The following THNSL1 variants were observed in gnomAD, a reference collection of about 807,000 sequenced individuals.
THNSL1 encodes the protein threonine synthase like 1, also known as threonine synthase-like 1.
In THNSL1, 48 loss-of-function variants were observed where a neutral mutation model predicts 50.4. The ratio of observed to expected loss-of-function variants is 0.95; its 90% CI spans 0.76 to 1.21. The LOEUF (loss-of-function observed/expected upper bound fraction) is 1.21. Among genes scored for constraint, THNSL1 ranks in the 50% most tolerant of loss-of-function variants. THNSL1 has a pLI of 0.00. For missense variants in THNSL1, 896 were observed against 871.7 expected, an observed-to-expected ratio of 1.03 and a Z score of -0.35; for synonymous variants, 309 against 306.1, an observed-to-expected ratio of 1.01 and a Z score of -0.10.
chr10:24,959,504 T>C, the THNSL1 span, among the ~76,000 whole-genome samples: 1 of 152,226 alleles, frequency 6.6e-6, no homozygotes, highest in African/African-American at 2.4e-5. Flanking sequence ...TTTGATCCAC[T>C]TTATATTTGA....
chr10:24,994,610 T>C, the THNSL1 span, among the ~76,000 whole-genome samples: 1 of 152,172 alleles, frequency 6.6e-6, no homozygotes, highest in Non-Finnish European at 1.5e-5. Context: ...ATTACAGTTG[T>C]GAGCCACTGT....
chr10:24,990,319 G>C, the THNSL1 span: 65 of 1,000,618 alleles, frequency 6.5e-5, no homozygotes, highest in Non-Finnish European at 8.6e-5. Flanking sequence ...CAGCTTTGCT[G>C]TATGTAGTTT....
At chr10:24,960,449 A>G in the THNSL1 span, among the ~76,000 whole-genome samples, 2 of 151,414 alleles carry the variant, frequency 1.3e-5, no homozygotes, top group Admixed American at 6.6e-5. Flanking sequence ...TTTTTTGGAG[A>G]TGGAGCCTTG....
chr10:24,962,873 A>G, the THNSL1 span, among the ~76,000 whole-genome samples: 112 of 152,356 alleles, frequency 7.4e-4, no homozygotes, highest in Admixed American at 1.8e-3. Flanking sequence ...GATTCTCTTC[A>G]GTTCATATCA....
intron 1 of THNSL1, among the ~76,000 whole-genome samples, chr10:25,017,023 C>CCCGCCCCTGCTCCCGGGA (rs1850606523): frequency 5.3e-5 from 8 of 152,166 alleles, no homozygotes; most frequent in Non-Finnish European, 8.8e-5. Context: ...CGCTCGCCCT[C>CCCGCCCCTGCTCCCGGGA]CCGCCCCTGC....
upstream of THNSL1, among the ~76,000 whole-genome samples, chr10:25,013,739 T>C (rs1033371894): frequency 6.6e-6 from 1 of 151,350 alleles, no homozygotes; most frequent in Non-Finnish European, 1.5e-5. Context: ...GGTCAGGAGG[T>C]CAAGACCAGC....
At chr10:24,958,463 G>GT in the THNSL1 span, among the ~76,000 whole-genome samples, 1 of 152,202 alleles carries the variant, frequency 6.6e-6, no homozygotes, top group African/African-American at 2.4e-5. Context: ...CTTTGAAGTA[G>GT]TTTATTTTTC....
upstream of THNSL1, among the ~76,000 whole-genome samples, chr10:25,012,306 T>A (rs1193104555): frequency 1.3e-5 from 2 of 152,182 alleles, no homozygotes; most frequent in Non-Finnish European, 2.9e-5. Flanking sequence ...CCACACAGAA[T>A]TCCCACTGGG....
chr10:25,010,247 G>A, the THNSL1 span, among the ~76,000 whole-genome samples: 9 of 152,284 alleles, frequency 5.9e-5, no homozygotes, highest in African/African-American at 2.2e-4. Context: ...CTCTTGCTAT[G>A]TTTTAGCAAA....
chr10:25,012,617 A>G (rs1850477530), upstream of THNSL1, among the ~76,000 whole-genome samples: 1 of 152,222 alleles, frequency 6.6e-6, no homozygotes, highest in Admixed American at 6.5e-5. Context: ...CAAGGGGCCT[A>G]TAGCCCCTTT....
At chr10:24,994,006 C>A in the THNSL1 span, among the ~76,000 whole-genome samples, 1 of 152,044 alleles carries the variant, frequency 6.6e-6, no homozygotes, top group Non-Finnish European at 1.5e-5. Flanking sequence ...TTCCAGGGGC[C>A]ACAGAAGGAG....
the THNSL1 span, among the ~76,000 whole-genome samples, chr10:25,006,957 T>A: frequency 6.6e-6 from 1 of 152,208 alleles, no homozygotes; most frequent in Non-Finnish European, 1.5e-5. Context: ...AACTGGCACG[T>A]TTTAAATTCT....
chr10:24,993,044 A>G, the THNSL1 span, among the ~76,000 whole-genome samples: 42 of 152,370 alleles, frequency 2.8e-4, no homozygotes, highest in Middle Eastern at 3.4e-3. Context: ...CTGTAACCCC[A>G]GCACTTTGGG....
chr10:25,019,483 C>T (rs1198221811), intron 1 of THNSL1, among the ~76,000 whole-genome samples: 2 of 152,078 alleles, frequency 1.3e-5, no homozygotes, highest in East Asian at 3.8e-4. Flanking sequence ...GAAAAACAAA[C>T]AAAAACACGA....
chr10:25,013,803 A>G (rs992335138), upstream of THNSL1, among the ~76,000 whole-genome samples: 2 of 152,128 alleles, frequency 1.3e-5, no homozygotes, highest in Non-Finnish European at 2.9e-5. Context: ...TTAGCCAGGC[A>G]TGGTAGCAGG....
chr10:24,990,589 T>C, the THNSL1 span: 1 of 1,607,446 alleles, frequency 6.2e-7, no homozygotes, highest in Non-Finnish European at 8.5e-7. Context: ...TACATATGTA[T>C]TCAGGTGTGA....
At chr10:25,013,363 C>T (rs972738055), upstream of THNSL1, among the ~76,000 whole-genome samples, 1 of 152,176 alleles carries the variant, frequency 6.6e-6, no homozygotes, top group Non-Finnish European at 1.5e-5. Context: ...AAACTATCTC[C>T]ATAGATTAAT....
chr10:25,026,121 C>G lies in THNSL1; in HGVS notation c.*666C>G, dbSNP rs1363894807. On this transcript the variant is annotated 3_prime_UTR_variant, in exon 3 of 3. Transcript: ENST00000376356. ...CTTGAACCTCTGACCTCAGGTGATC[C>G]ATCCACCTCGGCCTCCCAAAGTGCT... 1.3e-5 allele frequency: 2 copies of G among 158,628 alleles called. No homozygotes were observed. Among genetic ancestry groups the G allele is most frequent in the Non-Finnish European group, 2.9e-5 (2 of 68,178 alleles). The allele number at this position is 158,628 out of a possible 1,614,324, so 9.8% of individuals were successfully genotyped here.
At chr10:24,989,719 G>A in the THNSL1 span, among the ~76,000 whole-genome samples, 2 of 152,156 alleles carry the variant, frequency 1.3e-5, no homozygotes, top group Admixed American at 1.3e-4. Context: ...TTTTTCAACA[G>A]AGATTAATAA....
Sources: allele counts gnomAD v4.1 joint callset (sites outside exome capture counted in the v4.1 genomes callset), GRCh38; gene constraint gnomAD v4.1.1; transcripts MANE v1.5; gene names NCBI Gene and HGNC (gene_info 2026-07-23, HGNC 2026-07-21).